Variants in DOCK9 observed in about 807,000 individuals in gnomAD.
DOCK9 encodes the protein dedicator of cytokinesis 9.
DOCK9 carries 89 observed loss-of-function variants against 263.3 expected under a neutral mutation model. That is an observed-to-expected ratio of 0.34 (90% CI 0.28 to 0.40). The LOEUF is 0.40. Among genes scored for constraint, DOCK9 ranks in the 10% least tolerant of loss-of-function variants. DOCK9 has a pLI of 1.00. For missense variants in DOCK9, 2,140 were observed against 2,603.4 expected (o/e 0.82, Z 3.87); for synonymous variants, 976 against 973.1 (o/e 1.00, Z -0.06).
chr13:98,811,785 T>C (rs533588031), intron 45 of DOCK9, among the ~76,000 whole-genome samples: 140 of 152,376 alleles, frequency 9.2e-4, no homozygotes, highest in Non-Finnish European at 1.5e-3. Flanking sequence ...CAAGTTTTTA[T>C]TTCCTGGATT....
intron 1 of DOCK9, among the ~76,000 whole-genome samples, chr13:98,974,563 A>G (rs1227078679): frequency 2.6e-5 from 4 of 152,064 alleles, no homozygotes; most frequent in Non-Finnish European, 5.9e-5. Flanking sequence ...CAGCCTGACC[A>G]ATATGATGAC....
intron 1 of DOCK9, among the ~76,000 whole-genome samples, chr13:99,002,827 C>A (rs1595879536): frequency 1.3e-5 from 2 of 151,914 alleles, no homozygotes; most frequent in East Asian, 3.9e-4. Flanking sequence ...TGAATCCTGG[C>A]CCGTCCTACT....
In DOCK9 at chr13:98,860,519, C is replaced by T. The variant is rs866263116; in HGVS notation, c.3583G>A (p.Val1195Met). ...GGTAGAGCCAGGGATTCATCCTTCA[C>T]AGTCTGTCAAGGAGAGGAAAGCAGA... ...SPFPVNAGMT[V>M]KDESLALPAV... Residue 1195 changes from valine (V) to methionine (M), a missense_variant, in exon 33 of 53, where the codon GTG becomes ATG. Around this residue, in one of 2 missense-constraint regions of DOCK9, gnomAD observed 1,521 missense variants for 1,741.7 expected, o/e 0.87. Transcript: ENST00000682017. 4 of 1,564,356 alleles carry T rather than the reference C, an allele frequency of 2.6e-6. No homozygotes were observed. Among genetic ancestry groups the T allele is most frequent in the African/African-American group, 1.4e-5 (1 of 73,914 alleles).
chr13:98,888,830 AG>A, intron 15 of DOCK9, 119 bp from the exon 16 acceptor site: 1 of 816,514 alleles, frequency 1.2e-6, no homozygotes, highest in Non-Finnish European at 1.9e-6. Context: ...TAAACATTCT[AG>A]TAGCCTCATG....
At chr13:98,869,052 G>GT (rs1363306644) in intron 27 of DOCK9, among the ~76,000 whole-genome samples, 1 of 152,180 alleles carries the variant, frequency 6.6e-6, no homozygotes, top group Non-Finnish European at 1.5e-5. Flanking sequence ...TCTGATGCCT[G>GT]TACCTCTCAG....
At position 99,043,571 on chromosome 13, in the gene DOCK9, C is replaced by T. The variant is rs538035182; in HGVS notation, c.129+42652G>A. ...AGGACTCAGACACTTGCAGGTACGTCGGGGAGAGAGGGAGGCTGCCAAACA... is the reference window on the plus strand; with the variant it reads ...AGGACTCAGACACTTGCAGGTACGTTGGGGAGAGAGGGAGGCTGCCAAACA... On this transcript the variant is annotated intron_variant, in intron 1 of 32. Coordinates refer to the DOCK9 transcript ENST00000427887. 7.9e-5 allele frequency among the ~76,000 whole-genome samples: 12 copies of T among 152,228 alleles called. No homozygotes were observed. In the South Asian group the frequency reaches 2.5e-3, roughly 32 times the overall value.
At chr13:98,954,237 G>A (rs894781894) in intron 2 of DOCK9, among the ~76,000 whole-genome samples, 2 of 151,608 alleles carry the variant, frequency 1.3e-5, no homozygotes, top group African/African-American at 2.4e-5. Flanking sequence ...CAAAGAATCA[G>A]TGAAGCTTAA....
Position 98,831,486 on chromosome 13 carries a change from A to G in DOCK9, c.4497T>C (p.Ala1499=). ...FYEGRADMCA[A]LCYEILKCCN... The stretch of plus-strand genomic sequence containing the variant: ...AGCACTTGAGAATCTCGTAACACAG[A>G]GCCGCACACATGTCCGCTCTCCCTT... Residue 1499 remains alanine (A), a synonymous_variant, in exon 41 of 53, where the codon GCT becomes GCC. Coordinates refer to ENST00000682017, the MANE Select transcript of DOCK9 (RefSeq NM_001366683.2). The G allele has an allele frequency of 1.3e-6, 2 of 1,591,708 alleles. No individual in the cohort carries two copies. Among genetic ancestry groups the G allele is most frequent in the East Asian group, 2.3e-5 (1 of 44,126 alleles).
chr13:98,830,834 A>C (rs1294930962), intron 41 of DOCK9, among the ~76,000 whole-genome samples: 1 of 152,180 alleles, frequency 6.6e-6, no homozygotes, highest in African/African-American at 2.4e-5. Flanking sequence ...TTGTTTTTTA[A>C]AAAAAGGGTT....
chr13:98,994,876 A>G (rs1880645491), intron 1 of DOCK9, among the ~76,000 whole-genome samples: 1 of 152,198 alleles, frequency 6.6e-6, no homozygotes, highest in South Asian at 2.1e-4. Context: ...ATTATTACAT[A>G]TTAAAATATT....
intron 49 of DOCK9, among the ~76,000 whole-genome samples, chr13:98,804,303 T>G (rs1018602368): frequency 8.5e-5 from 13 of 152,184 alleles, no homozygotes; most frequent in African/African-American, 3.1e-4. Context: ...GAGGCAGGGA[T>G]GGGTCAAGCT....
chr13:98,863,219 C>T (rs2093926752), intron 31 of DOCK9, 87 bp from the exon 32 acceptor site: 3 of 1,483,068 alleles, frequency 2.0e-6, no homozygotes, highest in South Asian at 2.4e-5. Context: ...TATTTGGATC[C>T]TTCCTATAAA....
Position 98,883,905 on chromosome 13 carries a change from A to T in DOCK9, c.2383-6T>A. On this transcript the variant is annotated splice_polypyrimidine_tract_variant and splice_region_variant and intron_variant, in intron 21 of 52. Coordinates refer to ENST00000682017, the MANE Select transcript of DOCK9 (RefSeq NM_001366683.2). Reference sequence around the variant, plus strand: ...TTAATTTCCGGACCATAATGCTAAAAAAAATATGGAAGAAACAATATCCCT... The same window carrying T: ...TTAATTTCCGGACCATAATGCTAAATAAAATATGGAAGAAACAATATCCCT... The T allele has an allele frequency of 6.3e-7, 1 of 1,596,046 alleles. No individual in the cohort carries two copies. The highest frequency in any genetic ancestry group is 1.1e-5 in the South Asian group (1 of 87,804).
intron 50 of DOCK9, among the ~76,000 whole-genome samples, chr13:98,799,776 G>T (rs748528266): frequency 6.6e-5 from 10 of 152,146 alleles, no homozygotes; most frequent in Non-Finnish European, 1.5e-5. Flanking sequence ...TGAAATTTTG[G>T]AGTAGACACA....
At chr13:99,063,489 C>T (rs2041285479) in intron 1 of DOCK9, among the ~76,000 whole-genome samples, 1 of 152,198 alleles carries the variant, frequency 6.6e-6, no homozygotes, top group Admixed American at 6.5e-5. Flanking sequence ...ATCAGGGCTC[C>T]CTTTGCCTCG....
In DOCK9 at chr13:98,876,649, T is replaced by C. The variant is rs2043901226; in HGVS notation, c.2943+3249A>G. ...GGACATAAAATTCTTCAGATGTAAA[T>C]AAGACAAACACAAAAACAACTAATT... On this transcript the variant is annotated intron_variant, in intron 27 of 52. Coordinates refer to ENST00000682017, the MANE Select transcript of DOCK9 (RefSeq NM_001366683.2). Among the ~76,000 whole-genome samples the C allele has an allele frequency of 2.0e-5, 3 of 152,086 alleles. No individual in the cohort carries two copies. The South Asian group carries it at 6.2e-4, about 31-fold the overall frequency.
chr13:98,867,090 G>T (rs1329883978), intron 30 of DOCK9: 2 of 456,760 alleles, frequency 4.4e-6, no homozygotes, highest in Middle Eastern at 3.2e-4. Flanking sequence ...TGACTCCACA[G>T]TTGGTGAAAG....
chr13:98,887,355 G>A (rs1254400540), intron 18 of DOCK9, among the ~76,000 whole-genome samples: 1 of 150,666 alleles, frequency 6.6e-6, no homozygotes, highest in East Asian at 1.9e-4. Flanking sequence ...GGTGGCTCAC[G>A]CCTGTAATCC....
At chr13:99,086,952 G>A (rs1176913894), upstream of DOCK9, among the ~76,000 whole-genome samples, 1 of 152,082 alleles carries the variant, frequency 6.6e-6, no homozygotes, top group Admixed American at 6.5e-5. Context: ...GCTGGACGAT[G>A]CGCGGTTTCG....
Sources: allele counts gnomAD v4.1 joint callset (sites outside exome capture counted in the v4.1 genomes callset), GRCh38; gene constraint gnomAD v4.1.1; regional missense constraint gnomAD v4.1.1; transcripts MANE v1.5; gene names NCBI Gene and HGNC (gene_info 2026-07-23, HGNC 2026-07-21).